Variants in SGCZ observed in about 807,000 individuals in gnomAD.
The protein encoded by SGCZ is zeta-sarcoglycan.
Under a neutral mutation model 41.3 loss-of-function variants are expected in SGCZ, and 40 were observed. That is an observed-to-expected ratio of 0.97 (90% CI 0.75 to 1.26). The LOEUF is 1.26. Among genes scored for constraint, SGCZ ranks in the 50% most tolerant of loss-of-function variants. The probability of loss-of-function intolerance (pLI) is 0.00; values close to 1 mark genes in which losing one functional copy is unlikely to be tolerated. For synonymous variants in SGCZ, 206 were observed against 137.5 expected (o/e 1.50, Z -3.49); for missense variants, 552 against 369.8 (o/e 1.49, Z -4.04).
intron 1 of SGCZ, among the ~76,000 whole-genome samples, chr8:15,169,645 A>T (rs1471209571): frequency 6.6e-6 from 1 of 152,200 alleles, no homozygotes; most frequent in Non-Finnish European, 1.5e-5. Flanking sequence ...AGAATCCTGG[A>T]GACTTGAAGT....
intron 1 of SGCZ, among the ~76,000 whole-genome samples, chr8:14,964,690 A>T (rs753643590): frequency 6.6e-6 from 1 of 152,154 alleles, no homozygotes; most frequent in Non-Finnish European, 1.5e-5. Context: ...TGCATTGAGT[A>T]GTTATTGGAG....
intron 2 of SGCZ, among the ~76,000 whole-genome samples, chr8:14,478,043 A>G (rs948577390): frequency 2.6e-5 from 4 of 152,254 alleles, no homozygotes; most frequent in African/African-American, 9.6e-5. Flanking sequence ...AAAAGCAGAG[A>G]GCACCAAATT....
chr8:14,919,634 C>A (rs560018124), intron 1 of SGCZ, among the ~76,000 whole-genome samples: 1 of 152,046 alleles, frequency 6.6e-6, no homozygotes, highest in East Asian at 2.0e-4. Context: ...TATTAAAAAT[C>A]AAGCTGGGTG....
chr8:14,111,038 A>C (rs1802355478), intron 5 of SGCZ, among the ~76,000 whole-genome samples: 2 of 150,506 alleles, frequency 1.3e-5, no homozygotes, highest in Non-Finnish European at 2.9e-5. Context: ...TGGGCAACAA[A>C]CGGAGACTAT....
intron 1 of SGCZ, among the ~76,000 whole-genome samples, chr8:14,748,879 T>C (rs866994356): frequency 2.6e-5 from 4 of 152,174 alleles, no homozygotes; most frequent in Admixed American, 6.5e-5. Context: ...TAGGTAGTGT[T>C]CTTTTCCCTA....
At chr8:14,737,723 A>C (rs1293386717) in intron 1 of SGCZ, among the ~76,000 whole-genome samples, 1 of 151,940 alleles carries the variant, frequency 6.6e-6, no homozygotes, top group East Asian at 1.9e-4. Context: ...ATTTTCTCTT[A>C]TGAGGACATC....
intron 1 of SGCZ, among the ~76,000 whole-genome samples, chr8:14,975,805 ATATATGTG>A (rs969439344): frequency 9.4e-5 from 10 of 105,898 alleles, no homozygotes; most frequent in African/African-American, 3.1e-4. Context: ...ATATATATAT[ATATATGTG>A]TGTGTGTGTG....
chr8:15,004,568 T>C (rs770270832), intron 1 of SGCZ, among the ~76,000 whole-genome samples: 2 of 152,204 alleles, frequency 1.3e-5, no homozygotes, highest in Non-Finnish European at 2.9e-5. Flanking sequence ...TGTCTCATTC[T>C]GTTTCAGCAG....
At chr8:14,611,492 C>T (rs922625477) in intron 1 of SGCZ, among the ~76,000 whole-genome samples, 1 of 152,034 alleles carries the variant, frequency 6.6e-6, no homozygotes, top group Admixed American at 6.6e-5. Flanking sequence ...GAAAGTTATA[C>T]AAATCAATAA....
intron 1 of SGCZ, among the ~76,000 whole-genome samples, chr8:15,223,470 A>C (rs1215100833): frequency 6.6e-6 from 1 of 152,210 alleles, no homozygotes; most frequent in Non-Finnish European, 1.5e-5. Context: ...GTAGTAAATC[A>C]CTAGTCCCAG....
chr8:15,197,636 C>A lies in SGCZ; in HGVS notation c.39+39949G>T, dbSNP rs576058501. ...GAATGAATAAAGAAATGATAGGTCA[C>A]CAAAATCACAACAGAGCTGTGACTT... is the stretch of plus-strand genomic sequence containing the variant. On this transcript the variant is annotated intron_variant, in intron 1 of 7. Transcript: ENST00000382080. Among the ~76,000 whole-genome samples the A allele has an allele frequency of 4.3e-4, 65 of 152,154 alleles. No individual in the cohort carries two copies. In the South Asian group the frequency reaches 0.013, roughly 32 times the overall value.
intron 5 of SGCZ, among the ~76,000 whole-genome samples, chr8:14,113,855 T>TGACAA: frequency 6.6e-6 from 1 of 152,074 alleles, no homozygotes; most frequent in East Asian, 1.9e-4. Flanking sequence ...TACATTTCAG[T>TGACAA]GACAAGACAA....
intron 4 of SGCZ, among the ~76,000 whole-genome samples, chr8:14,233,552 C>T (rs3903318): frequency 0.96 from 141,880 of 148,336 alleles, 67,935 homozygotes; most frequent in East Asian, 1. Context: ...CTGCATAATA[C>T]TTTATTTATA....
At chr8:14,269,163 G>A (rs1025625564) in intron 3 of SGCZ, among the ~76,000 whole-genome samples, 1 of 152,014 alleles carries the variant, frequency 6.6e-6, no homozygotes, top group Non-Finnish European at 1.5e-5. Flanking sequence ...CTGCATTAGA[G>A]AGCAGCTTAA....
chr8:14,617,688 A>G (rs895042697), intron 1 of SGCZ, among the ~76,000 whole-genome samples: 3 of 152,186 alleles, frequency 2.0e-5, no homozygotes, highest in Admixed American at 6.5e-5. Flanking sequence ...TGAGACGTCA[A>G]GAAAGAGTAG....
intron 2 of SGCZ, among the ~76,000 whole-genome samples, chr8:14,409,763 C>T (rs1011441489): frequency 1.5e-4 from 23 of 152,232 alleles, no homozygotes; most frequent in Non-Finnish European, 2.6e-4. Flanking sequence ...TACTGATATA[C>T]ATATATAGCA....
intron 1 of SGCZ, among the ~76,000 whole-genome samples, chr8:14,669,385 G>GTAAA (rs1398901993): frequency 1.2e-3 from 64 of 55,110 alleles, no homozygotes; most frequent in Middle Eastern, 0.017. Flanking sequence ...AAGTAAGTAA[G>GTAAA]TAAATAAATA....
intron 1 of SGCZ, among the ~76,000 whole-genome samples, chr8:14,625,879 A>C (rs903136182): frequency 6.6e-6 from 1 of 152,194 alleles, no homozygotes; most frequent in Non-Finnish European, 1.5e-5. Context: ...TCACCTTAAA[A>C]GGTCAAATGA....
chr8:14,455,455 T>TACACACACACAC lies in SGCZ; in HGVS notation c.234+99265_234+99276dup, dbSNP rs5889534. Among the ~76,000 whole-genome samples the TACACACACACAC allele has an allele frequency of 4.5e-3, 652 of 144,438 alleles. 3 individuals are homozygous for TACACACACACAC. Among genetic ancestry groups the TACACACACACAC allele is most frequent in the South Asian group, 7.3e-3 (32 of 4,390 alleles). 94.8% of individuals were successfully genotyped at this position (144,438 alleles called of 152,430 possible). A position where few individuals can be genotyped will look rare whatever the true frequency, so the allele number is the denominator to read the frequency against. ...AGTGTTGAAGGGACATTTGCATGCA[T>TACACACACACAC]ACACACACACACACACACACACACA... On this transcript the variant is annotated intron_variant, in intron 2 of 7. Transcript: ENST00000382080.
Sources: gnomAD v4.1 joint callset for allele counts (sites outside exome capture counted in the v4.1 genomes callset) on GRCh38, gnomAD v4.1.1 for gene constraint, MANE v1.5 for transcripts, NCBI Gene and HGNC (gene_info 2026-07-23, HGNC 2026-07-21) for gene names.